OR3A2: variants seen among roughly 807,000 people sequenced by gnomAD.
OR3A2 encodes the protein olfactory receptor family 3 subfamily A member 2, also known as olfactory receptor 3A2.
For missense variants in OR3A2, 318 were observed against 392.8 expected (o/e 0.81, Z 1.61); for synonymous variants, 126 against 159.3 (o/e 0.79, Z 1.57).
At chr17:3,338,441 T>G (rs1339016823) in intron 2 of OR3A2, among the ~76,000 whole-genome samples, 1 of 152,196 alleles carries the variant, frequency 6.6e-6, no homozygotes, top group Non-Finnish European at 1.5e-5. Flanking sequence ...CTTGAATTAA[T>G]TTTTGTATAA....
chr17:3,302,159 C>T (rs2048970910), intron 3 of OR3A2, among the ~76,000 whole-genome samples: 1 of 152,122 alleles, frequency 6.6e-6, no homozygotes. Context: ...GTGAAAATGG[C>T]CATACTGCCC....
exon 2 of OR3A2, chr17:3,278,078 G>A (rs745377550): frequency 5.6e-6 from 9 of 1,614,074 alleles, no homozygotes; most frequent in Non-Finnish European, 5.9e-6. Context: ...TAACAGTGTT[G>A]AAAACTCCAA....
rs145803002 is a variant in OR3A2 at position 3,336,363 on chromosome 17, G to T, written c.-178-237C>A. ...AAGAAAACTGAAGACAGGATAAATG[G>T]AAAGTGTTTTGCTGATGTGAATGCC... On this transcript the variant is annotated intron_variant, in intron 2 of 4. Coordinates refer to the OR3A2 transcript ENST00000573491. 3.1e-3 allele frequency among the ~76,000 whole-genome samples: 478 copies of T among 152,298 alleles called. 4 individuals are homozygous for T. The highest frequency in any genetic ancestry group is 0.011 in the African/African-American group (445 of 41,560).
At chr17:3,334,008 C>G (rs572260805) in intron 3 of OR3A2, among the ~76,000 whole-genome samples, 1 of 152,280 alleles carries the variant, frequency 6.6e-6, no homozygotes, top group East Asian at 1.9e-4. Context: ...AAAAAAAGCT[C>G]AACATCACTG....
At chr17:3,282,183 G>A (rs893026145) in intron 1 of OR3A2, among the ~76,000 whole-genome samples, 7 of 152,152 alleles carry the variant, frequency 4.6e-5, no homozygotes, top group Admixed American at 6.5e-5. Flanking sequence ...GGGAGGCTGA[G>A]GTGGGTGGAT....
chr17:3,353,129 T>TTA, intron 2 of OR3A2, among the ~76,000 whole-genome samples: 1 of 151,592 alleles, frequency 6.6e-6, no homozygotes, highest in African/African-American at 2.4e-5. Context: ...TTTTTTTTTT[T>TTA]TTGAAGGGTA....
At position 3,311,252 on chromosome 17, in the gene OR3A2, A is replaced by G. The variant is rs60532712; in HGVS notation, c.-85+24781T>C. The G allele has an allele frequency of 5.6e-6, 3 of 535,370 alleles. No individual in the cohort carries two copies. Among genetic ancestry groups the G allele is most frequent in the South Asian group, 4.2e-5 (3 of 71,586 alleles). The allele number at this position is 535,370 out of a possible 1,614,324, so 33.2% of individuals were successfully genotyped here. A position where few individuals can be genotyped will look rare whatever the true frequency, so the allele number is the denominator to read the frequency against. ...GTTCCTCCGATGCTGGCGTGTCTCC[A>G]GGCCCACCAGTGCAGAGTTCCCTAT... On this transcript the variant is annotated intron_variant, in intron 3 of 4. Coordinates refer to the OR3A2 transcript ENST00000573491. The surrounding 1 kb of genome is among the most constrained non-coding windows in gnomAD (Gnocchi z 4.6).
At chr17:3,318,564 C>G (rs945729882) in intron 3 of OR3A2, among the ~76,000 whole-genome samples, 4 of 152,196 alleles carry the variant, frequency 2.6e-5, no homozygotes, top group Admixed American at 2.6e-4. Context: ...TGTTCTTCCA[C>G]TGTTCTTCCT....
rs2049643873 is a variant in OR3A2, at chr17:3,372,858, AGGG to A, written c.-179+10943_-179+10945del. ...GGAGGAGAAGGAGAAGGAGAGGGAG[AGGG>A]AGAGGGAGAGGGAGAGGGAGAGGGA... On this transcript the variant is annotated intron_variant, in intron 2 of 4. Coordinates refer to the OR3A2 transcript ENST00000573491. Among the ~76,000 whole-genome samples the A allele has an allele frequency of 5.5e-4, 8 of 14,574 alleles. 1 individual carries two copies. The East Asian group carries it at 0.039, about 71-fold the overall frequency. 9.6% of individuals were successfully genotyped at this position (14,574 alleles called of 152,430 possible). A position where few individuals can be genotyped will look rare whatever the true frequency, so the allele number is the denominator to read the frequency against.
At position 3,311,640 on chromosome 17, in the gene OR3A2, A is replaced by T. The variant is rs564692071; in HGVS notation, c.-85+24393T>A. The T allele has an allele frequency of 6.2e-6, 2 of 321,122 alleles. No homozygotes were observed. The highest frequency in any genetic ancestry group is 3.1e-5 in the South Asian group (1 of 32,056). The allele number at this position is 321,122 out of a possible 1,614,324, so 19.9% of individuals were successfully genotyped here. On this transcript the variant is annotated intron_variant, in intron 3 of 4. Transcript: ENST00000573491. The surrounding 1 kb of genome is among the most constrained non-coding windows in gnomAD (Gnocchi z 4.6). ...GAGTGATCCCCATGATCTTTATCTCAGTGTCCTATGCCCACGTCACAGCTG... is the reference window on the plus strand; with the variant it reads ...GAGTGATCCCCATGATCTTTATCTCTGTGTCCTATGCCCACGTCACAGCTG...
At chr17:3,375,571 A>C (rs1173292394) in intron 2 of OR3A2, among the ~76,000 whole-genome samples, 1 of 151,984 alleles carries the variant, frequency 6.6e-6, no homozygotes, top group African/African-American at 2.4e-5. Flanking sequence ...CAAAATGTTG[A>C]GATTACAGGC....
At chr17:3,371,836 C>G (rs1260073832) in intron 2 of OR3A2, among the ~76,000 whole-genome samples, 1 of 141,726 alleles carries the variant, frequency 7.1e-6, no homozygotes, top group African/African-American at 2.7e-5. Flanking sequence ...GACCTCCCCA[C>G]CACCTCCCGC....
chr17:3,300,897 T>C (rs2150626231), intron 3 of OR3A2, among the ~76,000 whole-genome samples: 2 of 143,504 alleles, frequency 1.4e-5, no homozygotes, highest in Middle Eastern at 7.0e-3. Context: ...TGTGTCCAAG[T>C]GTTCTCATTG....
At chr17:3,357,961 T>G (rs1431084632) in intron 2 of OR3A2, among the ~76,000 whole-genome samples, 3 of 151,298 alleles carry the variant, frequency 2.0e-5, no homozygotes, top group Middle Eastern at 6.8e-3. Context: ...GAGATCAGAG[T>G]GGGGGTCAGG....
intron 3 of OR3A2, among the ~76,000 whole-genome samples, chr17:3,303,840 C>T (rs531189109): frequency 2.0e-5 from 3 of 150,030 alleles, no homozygotes; most frequent in South Asian, 4.2e-4. Flanking sequence ...TGCAGTGAGC[C>T]GAGATCATGG....
At chr17:3,280,731 T>C (rs950872688) in intron 1 of OR3A2, among the ~76,000 whole-genome samples, 5 of 152,196 alleles carry the variant, frequency 3.3e-5, no homozygotes, top group African/African-American at 4.8e-5. Flanking sequence ...GGAACAGTGA[T>C]GATTGCCTGA....
chr17:3,348,089 GTTGT>G (rs1313852306), intron 2 of OR3A2, among the ~76,000 whole-genome samples: 39 of 152,142 alleles, frequency 2.6e-4, no homozygotes, highest in Middle Eastern at 3.4e-3. Context: ...TTTTGATGGG[GTTGT>G]TTGTTTTTTT....
At chr17:3,287,926 T>C (rs1041055777), upstream of OR3A2, among the ~76,000 whole-genome samples, 11 of 151,652 alleles carry the variant, frequency 7.3e-5, no homozygotes, top group African/African-American at 2.7e-4. Flanking sequence ...AGGAAAAAAT[T>C]AGAGCATACA....
At chr17:3,333,386 T>G (rs934760788) in intron 3 of OR3A2, among the ~76,000 whole-genome samples, 3 of 152,198 alleles carry the variant, frequency 2.0e-5, no homozygotes, top group Non-Finnish European at 4.4e-5. Flanking sequence ...GTAATTCTAA[T>G]TTTGCCTTTG....
Sources: gnomAD v4.1 joint callset for allele counts (sites outside exome capture counted in the v4.1 genomes callset) on GRCh38, gnomAD v4.1.1 for gene constraint, Gnocchi (gnomAD v3.1) non-coding constraint, MANE v1.5 for transcripts, NCBI Gene and HGNC (gene_info 2026-07-23, HGNC 2026-07-21) for gene names.